AFF4: variants seen among roughly 807,000 people sequenced by gnomAD.
The protein encoded by AFF4 is AF4/FMR2 family member 4.
In AFF4, 13 loss-of-function variants were observed where a neutral mutation model predicts 124.8. The observed-to-expected ratio is 0.10, with a 90% CI of 0.07 to 0.17. The LOEUF (loss-of-function observed/expected upper bound fraction) is 0.17, where lower values mean the gene tolerates loss of function less well. Among genes scored for constraint, AFF4 ranks in the 10% least tolerant of loss-of-function variants. The pLI, the probability that AFF4 is intolerant of heterozygous loss-of-function variation, is 1.00. For synonymous variants in AFF4, 477 were observed against 496.1 expected, an observed-to-expected ratio of 0.96 and a Z score of 0.51; for missense variants, 1,092 against 1,403.8, an observed-to-expected ratio of 0.78 and a Z score of 3.55.
chr5:132,955,602 C>A (rs1395801344), intron 1 of AFF4, among the ~76,000 whole-genome samples: 1 of 151,308 alleles, frequency 6.6e-6, no homozygotes, highest in South Asian at 2.1e-4. Flanking sequence ...CATGGTGAAA[C>A]CCCCATCTCT....
At chr5:132,895,893 G>A (rs1233839522) in intron 11 of AFF4, among the ~76,000 whole-genome samples, 1 of 148,230 alleles carries the variant, frequency 6.7e-6, no homozygotes, top group African/African-American at 2.5e-5. Flanking sequence ...GGGGCATAGA[G>A]GTGCATAGCA....
At chr5:132,893,337 C>T (rs1581275091) in intron 11 of AFF4, among the ~76,000 whole-genome samples, 1 of 152,140 alleles carries the variant, frequency 6.6e-6, no homozygotes, top group Admixed American at 6.5e-5. Context: ...GCATTTCCTA[C>T]AGTCTCTAAG....
rs1243182508 is a variant in AFF4 at position 132,947,865 on chromosome 5, C to T, written c.-4-10672G>A. Among the ~76,000 whole-genome samples, 7 of 152,258 alleles carry T rather than the reference C, an allele frequency of 4.6e-5. No homozygotes were observed. The East Asian group carries it at 1.4e-3, about 29-fold the overall frequency. ...CAAGACAATATTTAGCACAGAAGGACCTTTGCCCCAAAGTTAGTCATGAGA... is the reference window on the plus strand; with the variant it reads ...CAAGACAATATTTAGCACAGAAGGATCTTTGCCCCAAAGTTAGTCATGAGA... On this transcript the variant is annotated intron_variant, in intron 1 of 20. Coordinates refer to ENST00000265343, the MANE Select transcript of AFF4 (RefSeq NM_014423.4).
At chr5:132,959,035 T>C (rs1427226273) in intron 1 of AFF4, among the ~76,000 whole-genome samples, 2 of 152,180 alleles carry the variant, frequency 1.3e-5, no homozygotes, top group Non-Finnish European at 2.9e-5. Flanking sequence ...TACGTTTCCT[T>C]GCCTAAAAGC....
chr5:132,937,529 T>C (rs1309931107), intron 1 of AFF4: 1 of 164,560 alleles, frequency 6.1e-6, no homozygotes, highest in East Asian at 1.7e-4. Context: ...TCCTCAGTAT[T>C]TCCTTTTGGG....
At chr5:132,941,765 T>C (rs779989280) in intron 1 of AFF4, among the ~76,000 whole-genome samples, 1 of 152,068 alleles carries the variant, frequency 6.6e-6, no homozygotes, top group Non-Finnish European at 1.5e-5. Flanking sequence ...CCCAGCACTT[T>C]AGGAGGCCAA....
chr5:132,954,261 A>G (rs1392506805), intron 1 of AFF4, among the ~76,000 whole-genome samples: 3 of 152,344 alleles, frequency 2.0e-5, no homozygotes, highest in African/African-American at 7.2e-5. Flanking sequence ...TCTCAGAAGG[A>G]GTATGCAACC....
intron 5 of AFF4, among the ~76,000 whole-genome samples, chr5:132,923,137 C>T (rs1381229799): frequency 6.6e-6 from 1 of 152,088 alleles, no homozygotes; most frequent in Non-Finnish European, 1.5e-5. Flanking sequence ...GATTGCACCA[C>T]TGCACTCCAG....
chr5:132,896,948 G>C lies in AFF4; in HGVS notation c.1682C>G (p.Thr561Ser). The change falls in exon 11 of 21, where the codon ACT becomes AGT. Residue 561 changes from threonine (T) to serine (S), a missense_variant. Thr to Ser is a moderately conservative substitution (Grantham distance 58). Coordinates refer to ENST00000265343, the MANE Select transcript of AFF4 (RefSeq NM_014423.4). ...AQSDSTTQRR[T>S]VGKKQPKKAE... ...CTTTTTGGGTTGTTTTTTGCCTACA[G>C]TTCTTCTCTGTGTTGTGCTGTCACT... 6.2e-7 allele frequency: 1 copy of C among 1,614,150 alleles called. No individual in the cohort carries two copies. Among genetic ancestry groups the C allele is most frequent in the Non-Finnish European group, 8.5e-7 (1 of 1,180,032 alleles).
intron 7 of AFF4, 152 bp downstream of exon 7, chr5:132,902,290 T>G (rs1760570262): frequency 1.8e-6 from 1 of 560,042 alleles, no homozygotes. Flanking sequence ...TCACGTGATC[T>G]GCCTGCCTTG....
intron 18 of AFF4, among the ~76,000 whole-genome samples, chr5:132,885,606 C>G (rs540287600): frequency 5.9e-5 from 9 of 152,050 alleles, no homozygotes; most frequent in African/African-American, 2.2e-4. Flanking sequence ...CCCTTGGGGC[C>G]AGGGTAAGGA....
rs1352897839 is a variant in AFF4 at position 132,898,981 on chromosome 5, T to A, written c.1226+123A>T. ...AAGTGTATAATTCAATGACTTAATT[T>A]ACAGAATTGTACAACCATTATCAAA... On this transcript the variant is annotated intron_variant, in intron 9 of 20. Coordinates refer to ENST00000265343, the MANE Select transcript of AFF4 (RefSeq NM_014423.4). The A allele has an allele frequency of 5.8e-6, 5 of 856,048 alleles. No individual in the cohort carries two copies. In the African/African-American group the frequency reaches 6.9e-5, roughly 12 times the overall value. 53.0% of individuals were successfully genotyped at this position (856,048 alleles called of 1,614,324 possible).
In AFF4 at chr5:132,890,309, G is replaced by T. The variant is rs530524898; in HGVS notation, c.2638-1136C>A. 2.0e-5 allele frequency among the ~76,000 whole-genome samples: 3 copies of T among 151,762 alleles called. No homozygotes were observed. In the South Asian group the frequency reaches 6.3e-4, roughly 32 times the overall value. On this transcript the variant is annotated intron_variant, in intron 13 of 20. Transcript: ENST00000265343. ...GTTTGAGAAAGGGTCTCACTCTGTCGCCTAGGTTGGAGTGCAGTGGTGCAA... is the reference window on the plus strand; with the variant it reads ...GTTTGAGAAAGGGTCTCACTCTGTCTCCTAGGTTGGAGTGCAGTGGTGCAA...
At chr5:132,941,746 G>A (rs1761573418) in intron 1 of AFF4, among the ~76,000 whole-genome samples, 4 of 151,822 alleles carry the variant, frequency 2.6e-5, no homozygotes, top group African/African-American at 7.3e-5. Flanking sequence ...GGTGGCTCAC[G>A]CCTGCAATCC....
chr5:132,887,809 T>C (rs1760153761), intron 16 of AFF4, 37 bp downstream of exon 16: 1 of 1,608,324 alleles, frequency 6.2e-7, no homozygotes, highest in Non-Finnish European at 8.5e-7. Flanking sequence ...AGAGAAATAA[T>C]GTTATTGCCA....
At chr5:132,954,322 C>T (rs1232215082) in intron 1 of AFF4, among the ~76,000 whole-genome samples, 5 of 152,218 alleles carry the variant, frequency 3.3e-5, no homozygotes, top group African/African-American at 1.2e-4. Context: ...CCTATTGACA[C>T]GGCAGAGTTC....
chr5:132,896,778 T>TA lies in AFF4; in HGVS notation c.1851dup (p.Lys618Ter), dbSNP rs1208547687. 1 of 1,614,092 alleles carries TA rather than the reference T, an allele frequency of 6.2e-7. No homozygotes were observed. The highest frequency in any genetic ancestry group is 1.3e-5 in the African/African-American group (1 of 74,924). ...TCTGCTGTAGGTCGAGGGGAAGACTTAGACTCCTTCTTTATATTGGGTTTC... is the reference window on the plus strand; with the variant it reads ...TCTGCTGTAGGTCGAGGGGAAGACTTAAGACTCCTTCTTTATATTGGGTTTC... On this transcript the variant is annotated frameshift_variant, in exon 11 of 21. Transcript: ENST00000265343. LOFTEE classifies it high-confidence loss of function.
intron 1 of AFF4, among the ~76,000 whole-genome samples, chr5:132,959,623 A>T (rs1279216659): frequency 6.6e-6 from 1 of 152,150 alleles, no homozygotes; most frequent in Non-Finnish European, 1.5e-5. Flanking sequence ...ATCAAGACAA[A>T]CAGGAATGCA....
chr5:132,962,148 A>C (rs1762093824), intron 1 of AFF4, among the ~76,000 whole-genome samples: 1 of 152,252 alleles, frequency 6.6e-6, no homozygotes, highest in Non-Finnish European at 1.5e-5. Flanking sequence ...AAATATTTCA[A>C]TTTTGATAAG....
Sources: allele counts gnomAD v4.1 joint callset (sites outside exome capture counted in the v4.1 genomes callset), GRCh38; gene constraint gnomAD v4.1.1; transcripts MANE v1.5; gene names NCBI Gene and HGNC (gene_info 2026-07-23, HGNC 2026-07-21).